Variants in NLGN1 observed in about 807,000 individuals in gnomAD.
NLGN1 encodes neuroligin-1.
NLGN1 carries 12 observed loss-of-function variants against 65.5 expected under a neutral mutation model. The observed-to-expected ratio is 0.18, with a 90% CI of 0.12 to 0.30. NLGN1 has a LOEUF of 0.30. Among genes scored for constraint, NLGN1 ranks in the 10% least tolerant of loss-of-function variants. NLGN1 has a pLI of 1.00. For synonymous variants in NLGN1, 350 were observed against 359.5 expected (o/e 0.97, Z 0.30); for missense variants, 750 against 1,007.1 (o/e 0.74, Z 3.46).
chr3:174,011,619 A>C (rs908709373), intron 4 of NLGN1, among the ~76,000 whole-genome samples: 4 of 151,910 alleles, frequency 2.6e-5, no homozygotes, highest in African/African-American at 9.7e-5. Context: ...TCAAGTGTAA[A>C]CTCTGCTTCT....
At chr3:174,013,915 A>G (rs1320985354) in intron 4 of NLGN1, among the ~76,000 whole-genome samples, 1 of 152,024 alleles carries the variant, frequency 6.6e-6, no homozygotes, top group Non-Finnish European at 1.5e-5. Flanking sequence ...GAGTCTGACT[A>G]TGTTTCCTAG....
At position 173,973,142 on chromosome 3, in the gene NLGN1, C is replaced by T. The variant is rs1319259991; in HGVS notation, c.646+165310C>T. 2.6e-5 allele frequency among the ~76,000 whole-genome samples: 4 copies of T among 152,216 alleles called. No homozygotes were observed. The East Asian group carries it at 7.7e-4, about 29-fold the overall frequency. ...CTTGTAAAGTCTATATGACCCAATG[C>T]ACTGGAAGTCTTTAGAACAATCTCT... is the stretch of plus-strand genomic sequence containing the variant. On this transcript the variant is annotated intron_variant, in intron 4 of 6. Coordinates refer to ENST00000457714, the Ensembl canonical transcript of NLGN1.
intron 4 of NLGN1, among the ~76,000 whole-genome samples, chr3:174,086,406 C>T (rs575639927): frequency 2.5e-4 from 36 of 144,674 alleles, no homozygotes; most frequent in Non-Finnish European, 5.0e-4. Flanking sequence ...TTTGCCTAAT[C>T]TTAAGACATT....
At chr3:173,951,254 A>G (rs779499764) in intron 4 of NLGN1, among the ~76,000 whole-genome samples, 1 of 152,118 alleles carries the variant, frequency 6.6e-6, no homozygotes, top group South Asian at 2.1e-4. Context: ...TTCTTTGGAA[A>G]ATTATTTGGT....
chr3:173,593,642 G>A (rs1241253963), intron 2 of NLGN1, among the ~76,000 whole-genome samples: 2 of 152,154 alleles, frequency 1.3e-5, no homozygotes, highest in African/African-American at 4.8e-5. Flanking sequence ...GATGGGGAAG[G>A]CATTCTCCAG....
intron 2 of NLGN1, among the ~76,000 whole-genome samples, chr3:173,539,752 A>ACATATAGGT (rs1560407260): frequency 8.8e-6 from 1 of 114,222 alleles, no homozygotes. Flanking sequence ...GTACATATAT[A>ACATATAGGT]ACATATACAT....
chr3:173,970,886 G>A (rs1363353066), intron 4 of NLGN1, among the ~76,000 whole-genome samples: 1 of 152,110 alleles, frequency 6.6e-6, no homozygotes, highest in Non-Finnish European at 1.5e-5. Context: ...GGAGGAGTAG[G>A]GTGCTACTGG....
chr3:173,778,360 T>C (rs1428529179), intron 3 of NLGN1, among the ~76,000 whole-genome samples: 4 of 151,880 alleles, frequency 2.6e-5, no homozygotes, highest in African/African-American at 9.7e-5. Flanking sequence ...GAGTCTCGAA[T>C]AATTTACAGC....
intron 3 of NLGN1, among the ~76,000 whole-genome samples, chr3:173,742,952 G>C (rs185310928): frequency 2.0e-5 from 3 of 152,106 alleles, no homozygotes; most frequent in Non-Finnish European, 4.4e-5. Flanking sequence ...GCATGTACTT[G>C]TATTTAAATA....
At chr3:173,859,423 T>C (rs780578352) in intron 4 of NLGN1, among the ~76,000 whole-genome samples, 3 of 152,074 alleles carry the variant, frequency 2.0e-5, no homozygotes, top group Non-Finnish European at 4.4e-5. Flanking sequence ...AGTTATTCTG[T>C]TTGTCCATAC....
chr3:173,470,342 A>G (rs1449326303), intron 2 of NLGN1, among the ~76,000 whole-genome samples: 3 of 144,588 alleles, frequency 2.1e-5, no homozygotes, highest in Non-Finnish European at 4.6e-5. Context: ...CCATCATATC[A>G]TCATATTTTT....
Position 173,568,559 on chromosome 3 carries a change from C to T in NLGN1, c.-320-35720C>T, listed in dbSNP as rs143912962. 9.8e-3 allele frequency among the ~76,000 whole-genome samples: 1,486 copies of T among 152,164 alleles called. 27 individuals carry two copies. The highest frequency in any genetic ancestry group is 0.034 in the African/African-American group (1,424 of 41,494). On this transcript the variant is annotated intron_variant, in intron 2 of 6. Coordinates refer to ENST00000457714, the Ensembl canonical transcript of NLGN1. ...CTCAATAGATTTCTTAAACTTATTC[C>T]TCCTAATTGAAATTTTACATTCCTT...
At chr3:174,035,111 T>C (rs757882281) in intron 4 of NLGN1, among the ~76,000 whole-genome samples, 44 of 152,154 alleles carry the variant, frequency 2.9e-4, no homozygotes, top group Non-Finnish European at 5.3e-4. Context: ...CATGACAAAT[T>C]TTTAAAATTT....
chr3:173,478,732 C>T lies in NLGN1; in HGVS notation c.-321+43654C>T, dbSNP rs9818135. 2.0e-3 allele frequency among the ~76,000 whole-genome samples: 303 copies of T among 151,756 alleles called. 2 individuals are homozygous for T. Among genetic ancestry groups the T allele is most frequent in the African/African-American group, 6.9e-3 (286 of 41,396 alleles). ...GGCCAGGAGTTCGAGACCAGCCTGG[C>T]CAACATGGTGAAACCTAGTCTCTAC... is the stretch of plus-strand genomic sequence containing the variant. On this transcript the variant is annotated intron_variant, in intron 2 of 6. Coordinates refer to ENST00000457714, the Ensembl canonical transcript of NLGN1.
intron 4 of NLGN1, among the ~76,000 whole-genome samples, chr3:174,240,176 A>G (rs1742519781): frequency 6.6e-6 from 1 of 152,198 alleles, no homozygotes; most frequent in African/African-American, 2.4e-5. Flanking sequence ...TGATGCTAAT[A>G]AAGAGTGGAA....
At chr3:174,188,723 GA>G (rs1731857956) in intron 4 of NLGN1, among the ~76,000 whole-genome samples, 1 of 151,848 alleles carries the variant, frequency 6.6e-6, no homozygotes, top group African/African-American at 2.4e-5. Flanking sequence ...GACCTTTAGG[GA>G]ATCATTTATC....
At chr3:173,401,932 C>T (rs1308766430) in intron 1 of NLGN1, among the ~76,000 whole-genome samples, 1 of 152,092 alleles carries the variant, frequency 6.6e-6, no homozygotes, top group East Asian at 1.9e-4. Context: ...AATAAATGGG[C>T]AGAATGGAAA....
intron 3 of NLGN1, among the ~76,000 whole-genome samples, chr3:173,751,663 G>A (rs991140492): frequency 1.3e-5 from 2 of 151,988 alleles, no homozygotes; most frequent in Admixed American, 6.6e-5. Context: ...ATTTTGTTGT[G>A]TACAAGGAAA....
intron 4 of NLGN1, among the ~76,000 whole-genome samples, chr3:174,014,633 ATCTCTTTCCTTG>A: frequency 6.6e-6 from 1 of 152,182 alleles, no homozygotes; most frequent in South Asian, 2.1e-4. Context: ...GACATGCCTC[ATCTCTTTCCTTG>A]ATCTCAATGG....
Sources: allele counts gnomAD v4.1 joint callset (sites outside exome capture counted in the v4.1 genomes callset), GRCh38; gene constraint gnomAD v4.1.1; transcripts MANE v1.5; gene names NCBI Gene and HGNC (gene_info 2026-07-23, HGNC 2026-07-21).